BTBD7: variants seen among roughly 807,000 people sequenced by gnomAD.
The protein encoded by BTBD7 is BTB/POZ domain-containing protein 7.
Under a neutral mutation model 99.9 loss-of-function variants are expected in BTBD7, and 38 were observed. The ratio of observed to expected loss-of-function variants is 0.38; its 90% CI spans 0.29 to 0.50. The LOEUF (loss-of-function observed/expected upper bound fraction) is 0.50, where lower values mean the gene tolerates loss of function less well. Ranked by LOEUF, BTBD7 falls within the 20% of genes least tolerant of loss-of-function variation. The pLI is 0.93. For synonymous variants in BTBD7, 520 were observed against 511.4 expected, an observed-to-expected ratio of 1.02 and a Z score of -0.23; for missense variants, 1,170 against 1,394.6, an observed-to-expected ratio of 0.84 and a Z score of 2.57.
In BTBD7 at chr14:93,242,099, C is replaced by A. The variant is rs961811663; in HGVS notation, c.*174G>T. The A allele has an allele frequency of 5.8e-4, 301 of 519,886 alleles. No individual in the cohort carries two copies. Among genetic ancestry groups the A allele is most frequent in the South Asian group, 1.4e-3 (36 of 25,596 alleles). 32.2% of individuals were successfully genotyped at this position (519,886 alleles called of 1,614,324 possible). ...CAGATGCAACATTAAAAAAAAAAAACAAAACCTTCTTAGCATGCCATGTCT... is the reference window on the plus strand; with the variant it reads ...CAGATGCAACATTAAAAAAAAAAAAAAAAACCTTCTTAGCATGCCATGTCT... On this transcript the variant is annotated 3_prime_UTR_variant, in exon 11 of 11. Coordinates refer to ENST00000334746, the MANE Select transcript of BTBD7 (RefSeq NM_001002860.4).
chr14:93,271,648 T>C (rs1199913132), intron 3 of BTBD7, among the ~76,000 whole-genome samples: 5 of 152,094 alleles, frequency 3.3e-5, no homozygotes, highest in African/African-American at 7.2e-5. Context: ...TGAAAGACCA[T>C]AGGTTTTAAA....
rs936988234 is a variant in BTBD7, at chr14:93,296,112, T to C, written c.-61A>G. 7.0e-6 allele frequency: 11 copies of C among 1,565,894 alleles called. No homozygotes were observed. The African/African-American group carries it at 1.5e-4, about 21-fold the overall frequency. On this transcript the variant is annotated 5_prime_UTR_variant, in exon 2 of 11. Coordinates refer to ENST00000334746, the MANE Select transcript of BTBD7 (RefSeq NM_001002860.4). Reference sequence around the variant, plus strand: ...CTTCAGAGTATAATCCCAGAGGCCTTTATGAACCTTCAACCCTGGATCCAG... The same window carrying C: ...CTTCAGAGTATAATCCCAGAGGCCTCTATGAACCTTCAACCCTGGATCCAG...
At chr14:93,245,782 C>A in intron 10 of BTBD7, 43 bp downstream of exon 10, 1 of 1,576,060 alleles carries the variant, frequency 6.3e-7, no homozygotes, top group South Asian at 1.2e-5. Flanking sequence ...TTCTAATTCT[C>A]CATAAACCGA....
intron 5 of BTBD7, among the ~76,000 whole-genome samples, chr14:93,259,592 T>C (rs1030354974): frequency 9.2e-5 from 14 of 152,298 alleles, no homozygotes; most frequent in Non-Finnish European, 2.1e-4. Context: ...ACTAGGTAAG[T>C]TGACAAATAT....
rs1477522684 is a variant in BTBD7, at chr14:93,248,619, G to A, written c.1978C>T (p.Arg660Ter). 2 of 1,612,382 alleles carry A rather than the reference G, an allele frequency of 1.2e-6. No homozygotes were observed. The highest frequency in any genetic ancestry group is 1.7e-6 in the Non-Finnish European group (2 of 1,179,644). The change falls in exon 9 of 11, where the codon CGA (arginine) becomes TGA (stop). Residue 660 changes from arginine (R) to a stop codon, truncating the protein, a stop_gained. Coordinates refer to ENST00000334746, the MANE Select transcript of BTBD7 (RefSeq NM_001002860.4). LOFTEE classifies it high-confidence loss of function. ...TCCGTGTGCCGCAGTTCCTGCAGTC[G>A]TCTGACCATGTCTTTCATAATGAGG... ...RLLIMKDMVR[R>*]LQELRHTEQV...
chr14:93,250,374 A>C (rs1436504812), intron 8 of BTBD7, among the ~76,000 whole-genome samples: 2 of 152,226 alleles, frequency 1.3e-5, no homozygotes, highest in African/African-American at 4.8e-5. Flanking sequence ...AAAGCTTCAA[A>C]ATCTGCATAA....
chr14:93,277,112 G>C (rs1380149191), intron 3 of BTBD7, among the ~76,000 whole-genome samples: 1 of 152,020 alleles, frequency 6.6e-6, no homozygotes, highest in Admixed American at 6.6e-5. Flanking sequence ...ATGTTGGCCA[G>C]GCTGGTCCTG....
chr14:93,300,788 T>TATA (rs1555392129), intron 1 of BTBD7, among the ~76,000 whole-genome samples: 1 of 125,848 alleles, frequency 7.9e-6, no homozygotes, highest in African/African-American at 2.9e-5. Flanking sequence ...ATATATATAT[T>TATA]TTTTTTTTGT....
At chr14:93,286,623 T>C (rs1340673464) in intron 3 of BTBD7, among the ~76,000 whole-genome samples, 2 of 152,170 alleles carry the variant, frequency 1.3e-5, no homozygotes, top group African/African-American at 2.4e-5. Flanking sequence ...TCCCTGGAAA[T>C]TGGGTCCAGT....
chr14:93,245,273 A>C (rs532910947), intron 10 of BTBD7, among the ~76,000 whole-genome samples: 1 of 152,324 alleles, frequency 6.6e-6, no homozygotes, highest in Admixed American at 6.5e-5. Context: ...GGCTACTATG[A>C]TTCTAAGTGA....
intron 1 of BTBD7, among the ~76,000 whole-genome samples, chr14:93,316,617 G>T: frequency 6.6e-6 from 1 of 151,996 alleles, no homozygotes; most frequent in African/African-American, 2.4e-5. Context: ...ATAAGGTCAG[G>T]GTTTTTCTTT....
chr14:93,249,016 G>A (rs1055582035), intron 8 of BTBD7, among the ~76,000 whole-genome samples: 1 of 152,002 alleles, frequency 6.6e-6, no homozygotes, highest in African/African-American at 2.4e-5. Flanking sequence ...CTATGCACCA[G>A]GGATTGGACT....
rs1013612979 is a variant in BTBD7, at chr14:93,332,559, C to T, written c.-107+261G>A. 3.3e-5 allele frequency among the ~76,000 whole-genome samples: 5 copies of T among 151,460 alleles called. No individual in the cohort carries two copies. The South Asian group carries it at 1.0e-3, about 31-fold the overall frequency. On this transcript the variant is annotated intron_variant, in intron 1 of 10. Transcript: ENST00000334746. The stretch of plus-strand genomic sequence containing the variant: ...TCCCCGCCCCGAGCGCCACACCTCG[C>T]GCCCCTGCCCCAGGGACGGCGGCGC...
chr14:93,271,098 G>A (rs2052595960), intron 3 of BTBD7, among the ~76,000 whole-genome samples: 1 of 152,166 alleles, frequency 6.6e-6, no homozygotes. Context: ...CTGTATTGCT[G>A]CATGTTAAAT....
At chr14:93,250,763 T>G (rs567281548) in intron 8 of BTBD7, among the ~76,000 whole-genome samples, 1 of 152,214 alleles carries the variant, frequency 6.6e-6, no homozygotes, top group East Asian at 1.9e-4. Flanking sequence ...TCCTGATCGA[T>G]AGCCAATTCC....
intron 1 of BTBD7, among the ~76,000 whole-genome samples, chr14:93,300,257 C>CT (rs35598735): frequency 0.18 from 21,527 of 119,584 alleles, 2,176 homozygotes; most frequent in East Asian, 0.29. Context: ...TTTCTTTGTT[C>CT]TTTTTTTTTT....
intron 5 of BTBD7, 25 bp downstream of exon 5, chr14:93,261,577 G>T: frequency 6.4e-7 from 1 of 1,571,038 alleles, no homozygotes. Context: ...AAGGTAACTA[G>T]TGCAAGCTAA....
intron 3 of BTBD7, among the ~76,000 whole-genome samples, chr14:93,275,594 G>C (rs1490174431): frequency 3.9e-5 from 6 of 152,156 alleles, no homozygotes; most frequent in Admixed American, 6.6e-5. Flanking sequence ...TCATCATTGT[G>C]CGAACATCAG....
intron 1 of BTBD7, among the ~76,000 whole-genome samples, chr14:93,308,142 C>T (rs1194541112): frequency 6.6e-6 from 1 of 151,920 alleles, no homozygotes; most frequent in Non-Finnish European, 1.5e-5. Context: ...AATATATTAG[C>T]CGGGTGTGGT....
Sources: gnomAD v4.1 joint callset for allele counts (sites outside exome capture counted in the v4.1 genomes callset) on GRCh38, gnomAD v4.1.1 for gene constraint, MANE v1.5 for transcripts, NCBI Gene and HGNC (gene_info 2026-07-23, HGNC 2026-07-21) for gene names.